The following CEP250 variants were observed in gnomAD, a reference collection of about 807,000 sequenced individuals.
The protein encoded by CEP250 is centrosomal protein 250, also known as centrosome-associated protein CEP250.
In CEP250, 242 loss-of-function variants were observed where a neutral mutation model predicts 315.7. The ratio of observed to expected loss-of-function variants is 0.77; its 90% CI spans 0.69 to 0.85. The LOEUF (loss-of-function observed/expected upper bound fraction) is 0.85. Among genes scored for constraint, CEP250 ranks in the 40% least tolerant of loss-of-function variants. The pLI is 0.00. For synonymous variants in CEP250, 1,088 were observed against 1,175.0 expected, an observed-to-expected ratio of 0.93 and a Z score of 1.51; for missense variants, 2,515 against 2,886.4, an observed-to-expected ratio of 0.87 and a Z score of 2.95.
intron 30 of CEP250, among the ~76,000 whole-genome samples, chr20:35,505,881 G>C (rs796928545): frequency 6.6e-6 from 1 of 152,152 alleles, no homozygotes; most frequent in Non-Finnish European, 1.5e-5. Flanking sequence ...TGGGTGGTGG[G>C]AAGCAGATGA....
intron 27 of CEP250, among the ~76,000 whole-genome samples, chr20:35,499,672 A>G (rs893879984): frequency 2.6e-5 from 4 of 152,218 alleles, no homozygotes; most frequent in African/African-American, 4.8e-5. Flanking sequence ...TGTTGGAACT[A>G]GGAGGAGGGG....
At chr20:35,470,084 T>C (rs746144299) in intron 10 of CEP250, 98 bp downstream of exon 10, 4 of 780,392 alleles carry the variant, frequency 5.1e-6, no homozygotes, top group South Asian at 4.6e-5. Flanking sequence ...ACATATTCCA[T>C]GATGAAATCC....
Position 35,502,457 on chromosome 20 carries a change from C to T in CEP250, c.4088C>T (p.Ala1363Val), listed in dbSNP as rs2064035155. The T allele has an allele frequency of 6.2e-7, 1 of 1,614,158 alleles. No homozygotes were observed. ...GCCCAGGTGGAACACCTGCAAGCAGCTGTCGTAGAAGCCAGGGCTCAGGCA... is the reference window on the plus strand; with the variant it reads ...GCCCAGGTGGAACACCTGCAAGCAGTTGTCGTAGAAGCCAGGGCTCAGGCA... ...LTAQVEHLQA[A>V]VVEARAQASA... Residue 1363 changes from alanine (A) to valine (V), a missense_variant, in exon 30 of 35, where the codon GCT becomes GTT. Transcript: ENST00000397527.
intron 30 of CEP250, 93 bp downstream of exon 30, chr20:35,505,098 C>T: frequency 9.1e-7 from 1 of 1,094,940 alleles, no homozygotes; most frequent in Non-Finnish European, 1.3e-6. Context: ...TGTGGCACCT[C>T]AGGGGTATGA....
In CEP250 at chr20:35,491,225, C is replaced by G; in HGVS notation, c.2768C>G (p.Thr923Arg). The G allele has an allele frequency of 6.2e-7, 1 of 1,611,678 alleles. No individual in the cohort carries two copies. ...ESALCQMQLE[T>R]EKERVSLLET... The stretch of plus-strand genomic sequence containing the variant: ...ACCCCTCCACAGATGCAGCTGGAAA[C>G]AGAGAAGGAGAGAGTATCCCTCCTG... Residue 923 changes from threonine to arginine, a missense_variant, in exon 22 of 35, where the codon ACA (threonine) becomes AGA (arginine). By Grantham distance (71) the Thr-to-Arg change is moderately conservative. Transcript: ENST00000397527.
Position 35,493,443 on chromosome 20 carries a change from A to C in CEP250, c.2904A>C (p.Ile968=). The change falls in exon 23 of 35, where the codon ATA becomes ATC. Residue 968 remains isoleucine (I), a synonymous_variant. Transcript: ENST00000397527. ...QKLKEQETTG[I]LQTQLQEAQR... ...TCCCTCTTCAGGAGACCACTGGGAT[A>C]CTACAGACCCAGCTCCAGGAGGCTC... 2 of 1,602,280 alleles carry C rather than the reference A, an allele frequency of 1.2e-6. No homozygotes were observed. Among genetic ancestry groups the C allele is most frequent in the Non-Finnish European group, 1.7e-6 (2 of 1,174,938 alleles).
intron 7 of CEP250, among the ~76,000 whole-genome samples, chr20:35,466,704 C>T (rs751437186): frequency 1.1e-4 from 16 of 152,138 alleles, no homozygotes; most frequent in Non-Finnish European, 2.2e-4. Flanking sequence ...TAATAGATCC[C>T]ATTTGTTAAG....
At chr20:35,456,737 AG>A (rs888225564) in intron 1 of CEP250, among the ~76,000 whole-genome samples, 73 of 151,740 alleles carry the variant, frequency 4.8e-4, no homozygotes, top group African/African-American at 1.7e-3. Context: ...ATTGGGGTTC[AG>A]TCATTGCTCT....
chr20:35,504,733 C>G lies in CEP250; in HGVS notation c.6364C>G (p.Leu2122Val). 6.2e-7 allele frequency: 1 copy of G among 1,614,220 alleles called. No individual in the cohort carries two copies. The highest frequency in any genetic ancestry group is 1.3e-5 in the African/African-American group (1 of 75,044). ...ELRETQQRNN[L>V]EALPHSHKTS... is the part of the protein sequence containing the mutation. ...GAGGGAGACCCAGCAAAGGAACAAC[C>G]TGGAAGCCTTACCCCACAGCCACAA... Residue 2122 changes from leucine (L) to valine (V), a missense_variant, in exon 30 of 35, where the codon CTG (leucine) becomes GTG (valine). Physicochemically the swap from Leu to Val is conservative, Grantham distance 32 (BLOSUM62 1). Coordinates refer to ENST00000397527, the MANE Select transcript of CEP250 (RefSeq NM_007186.6).
At chr20:35,471,239 A>G (rs2063017354) in intron 10 of CEP250, among the ~76,000 whole-genome samples, 1 of 152,152 alleles carries the variant, frequency 6.6e-6, no homozygotes, top group East Asian at 1.9e-4. Flanking sequence ...TCAGTACTGC[A>G]GGGGACACTT....
intron 34 of CEP250, 27 bp from the exon 35 acceptor site, chr20:35,511,336 C>CTTTT: frequency 3.6e-6 from 4 of 1,101,652 alleles, no homozygotes; most frequent in South Asian, 1.6e-5. Context: ...GCTGCTCTCG[C>CTTTT]TTTTTTTTTT....
chr20:35,485,645 CTTTTTTTTTTTTTTTT>C (rs782622070), intron 20 of CEP250, among the ~76,000 whole-genome samples: 2 of 33,788 alleles, frequency 5.9e-5, no homozygotes, highest in Non-Finnish European at 1.0e-4. Context: ...GTCTGCCTGG[CTTTTTTTTTTTTTTTT>C]TTTTTTTTTT....
In CEP250 at chr20:35,503,425, G is replaced by A; in HGVS notation, c.5056G>A (p.Glu1686Lys). The A allele has an allele frequency of 6.2e-7, 1 of 1,614,192 alleles. No homozygotes were observed. The highest frequency in any genetic ancestry group is 8.5e-7 in the Non-Finnish European group (1 of 1,180,040). The stretch of plus-strand genomic sequence containing the variant: ...GACCAAGATCCTGGAGGAGGACCTG[G>A]AACAGATCAAGCTGTCCTTGAGAGA... ...RQTKILEEDL[E>K]QIKLSLRERG... The change falls in exon 30 of 35, where the codon GAA becomes AAA. Residue 1686 changes from glutamate (E) to lysine (K), a missense_variant. Physicochemically the swap from Glu to Lys is moderately conservative, Grantham distance 56. Coordinates refer to ENST00000397527, the MANE Select transcript of CEP250 (RefSeq NM_007186.6). This position sits in a 1 kb window ranked among gnomAD's most constrained non-coding sequence, Gnocchi z 4.2.
intron 9 of CEP250, among the ~76,000 whole-genome samples, chr20:35,469,378 A>C (rs944223165): frequency 3.3e-5 from 5 of 152,244 alleles, no homozygotes; most frequent in Non-Finnish European, 7.3e-5. Flanking sequence ...CATAATAGCA[A>C]GCAGTAAGCT....
At chr20:35,501,724 C>A in intron 28 of CEP250, 121 bp from the exon 29 acceptor site, 1 of 1,149,038 alleles carries the variant, frequency 8.7e-7, no homozygotes, top group Non-Finnish European at 1.2e-6. Context: ...TAATTTTCTC[C>A]TTCTTGGCCT....
In CEP250 at chr20:35,478,606, C is replaced by G. The variant is rs111939375; in HGVS notation, c.2094+505C>G. Among the ~76,000 whole-genome samples the G allele has an allele frequency of 1.4e-4, 22 of 152,294 alleles. 2 individuals carry two copies. The highest frequency in any genetic ancestry group is 5.1e-4 in the African/African-American group (21 of 41,560). ...TTCACTGATTCTCCACTACTTCATTCACACCACCCAGTTTGAATTAGAAGC... is the reference window on the plus strand; with the variant it reads ...TTCACTGATTCTCCACTACTTCATTGACACCACCCAGTTTGAATTAGAAGC... On this transcript the variant is annotated intron_variant, in intron 17 of 34. Transcript: ENST00000397527.
intron 24 of CEP250, 128 bp downstream of exon 24, chr20:35,494,785 T>C (rs2063791578): frequency 9.8e-7 from 1 of 1,018,764 alleles, no homozygotes; most frequent in Non-Finnish European, 1.4e-6. Flanking sequence ...CATGTAGCCA[T>C]GTGGAGAGGA....
chr20:35,485,183 G>C (rs931926514), intron 20 of CEP250, among the ~76,000 whole-genome samples: 1 of 151,990 alleles, frequency 6.6e-6, no homozygotes, highest in Admixed American at 6.6e-5. Flanking sequence ...GACCAGTCTG[G>C]CCAACATGGT....
intron 5 of CEP250, among the ~76,000 whole-genome samples, chr20:35,465,328 G>A (rs1309339645): frequency 6.6e-6 from 1 of 151,498 alleles, no homozygotes; most frequent in Admixed American, 6.6e-5. Flanking sequence ...GCTAAGGCAG[G>A]AGAATCACTT....
Sources: gnomAD v4.1 joint callset for allele counts (sites outside exome capture counted in the v4.1 genomes callset) on GRCh38, gnomAD v4.1.1 for gene constraint, Gnocchi (gnomAD v3.1) non-coding constraint, MANE v1.5 for transcripts, NCBI Gene and HGNC (gene_info 2026-07-23, HGNC 2026-07-21) for gene names.